SLC14A2: variants seen among roughly 807,000 people sequenced by gnomAD.
SLC14A2 encodes urea transporter 2.
In SLC14A2, 91 loss-of-function variants were observed where a neutral mutation model predicts 104.6. The ratio of observed to expected loss-of-function variants is 0.87; its 90% CI spans 0.73 to 1.04. The LOEUF (loss-of-function observed/expected upper bound fraction) is 1.04. Among genes scored for constraint, SLC14A2 ranks in the 50% least tolerant of loss-of-function variants. The pLI is 0.00. For synonymous variants in SLC14A2, 476 were observed against 466.4 expected, an observed-to-expected ratio of 1.02 and a Z score of -0.27; for missense variants, 1,189 against 1,156.0, an observed-to-expected ratio of 1.03 and a Z score of -0.41.
intron 1 of SLC14A2, among the ~76,000 whole-genome samples, chr18:45,463,313 C>A (rs560831951): frequency 1.3e-5 from 2 of 152,200 alleles, no homozygotes; most frequent in African/African-American, 4.8e-5. Context: ...CGACACCCAG[C>A]AGCTTGACCC....
At chr18:45,665,688 CTTTTTTTTT>C (rs146248418) in intron 11 of SLC14A2, among the ~76,000 whole-genome samples, 3 of 79,294 alleles carry the variant, frequency 3.8e-5, no homozygotes, top group Admixed American at 1.9e-4. Context: ...AACCAAGTTT[CTTTTTTTTT>C]TTTTTTTTTT....
intron 1 of SLC14A2, among the ~76,000 whole-genome samples, chr18:45,304,039 G>T (rs2084993344): frequency 1.3e-5 from 2 of 152,150 alleles, no homozygotes; most frequent in South Asian, 4.1e-4. Flanking sequence ...AATATTCAGG[G>T]TTTATATTAT....
chr18:45,224,820 C>T (rs1204192188), intron 1 of SLC14A2, among the ~76,000 whole-genome samples: 2 of 152,080 alleles, frequency 1.3e-5, no homozygotes, highest in African/African-American at 4.8e-5. Flanking sequence ...GGTTTGTATC[C>T]ATTATAGACA....
At chr18:45,371,027 G>C (rs2085717376) in intron 1 of SLC14A2, among the ~76,000 whole-genome samples, 1 of 152,134 alleles carries the variant, frequency 6.6e-6, no homozygotes, top group African/African-American at 2.4e-5. Context: ...CAGAGAGGCG[G>C]GCTGATGGAA....
At chr18:45,473,848 T>C (rs2087299995) in intron 1 of SLC14A2, among the ~76,000 whole-genome samples, 1 of 152,232 alleles carries the variant, frequency 6.6e-6, no homozygotes, top group African/African-American at 2.4e-5. Flanking sequence ...ACTTCCTCTC[T>C]TCCTATTTGA....
chr18:45,273,776 C>T (rs912035204), intron 1 of SLC14A2, among the ~76,000 whole-genome samples: 2 of 152,086 alleles, frequency 1.3e-5, no homozygotes, highest in African/African-American at 2.4e-5. Flanking sequence ...CTTTGGGTGA[C>T]ACAAAATTCT....
chr18:45,213,865 A>G (rs756464789), intron 1 of SLC14A2, among the ~76,000 whole-genome samples: 3 of 152,142 alleles, frequency 2.0e-5, no homozygotes, highest in Non-Finnish European at 4.4e-5. Context: ...TCTGCCCCAG[A>G]TCTCTGCCAG....
intron 1 of SLC14A2, among the ~76,000 whole-genome samples, chr18:45,449,343 TCC>T (rs1598835085): frequency 6.6e-6 from 1 of 152,268 alleles, no homozygotes; most frequent in East Asian, 1.9e-4. Flanking sequence ...ATCTCACCTA[TCC>T]CACATTCCAC....
chr18:45,469,140 A>G (rs2087198652), intron 1 of SLC14A2, among the ~76,000 whole-genome samples: 1 of 152,198 alleles, frequency 6.6e-6, no homozygotes, highest in Non-Finnish European at 1.5e-5. Context: ...ATTATGGTAC[A>G]GGTCAGGATG....
intron 1 of SLC14A2, among the ~76,000 whole-genome samples, chr18:45,620,725 C>T (rs955919170): frequency 2.0e-5 from 3 of 152,108 alleles, no homozygotes; most frequent in African/African-American, 7.2e-5. Flanking sequence ...CCATTCTCAA[C>T]TCCTACCTGT....
chr18:45,508,763 G>A (rs1473845178), intron 2 of SLC14A2, among the ~76,000 whole-genome samples: 1 of 152,204 alleles, frequency 6.6e-6, no homozygotes, highest in Admixed American at 6.5e-5. Flanking sequence ...CACAGGCCCA[G>A]TCCCTCAACT....
At chr18:45,465,572 T>TCATC (rs994120148) in intron 1 of SLC14A2, among the ~76,000 whole-genome samples, 2 of 152,082 alleles carry the variant, frequency 1.3e-5, no homozygotes, top group African/African-American at 4.8e-5. Context: ...CTCCCTCCCT[T>TCATC]CATCCATCCA....
intron 1 of SLC14A2, among the ~76,000 whole-genome samples, chr18:45,443,704 T>C (rs1317428010): frequency 6.6e-6 from 1 of 152,102 alleles, no homozygotes; most frequent in Non-Finnish European, 1.5e-5. Context: ...TTGGGAAGAA[T>C]GAGAGGCAGA....
At chr18:45,291,419 T>C (rs2084868240) in intron 1 of SLC14A2, among the ~76,000 whole-genome samples, 2 of 152,172 alleles carry the variant, frequency 1.3e-5, no homozygotes, top group African/African-American at 4.8e-5. Flanking sequence ...GCAGATCCAT[T>C]ACCTTTCCCT....
At chr18:45,295,027 C>T (rs2084905753) in intron 1 of SLC14A2, among the ~76,000 whole-genome samples, 1 of 152,182 alleles carries the variant, frequency 6.6e-6, no homozygotes, top group African/African-American at 2.4e-5. Flanking sequence ...TTACATACAT[C>T]GATTACCTCC....
chr18:45,559,791 T>C (rs1359549489), intron 2 of SLC14A2, among the ~76,000 whole-genome samples: 1 of 152,240 alleles, frequency 6.6e-6, no homozygotes, highest in Non-Finnish European at 1.5e-5. Flanking sequence ...CTGCTTTGTT[T>C]TCCCTGTCCT....
chr18:45,593,364 G>A (rs943788892), intron 2 of SLC14A2, among the ~76,000 whole-genome samples: 4 of 151,574 alleles, frequency 2.6e-5, no homozygotes, highest in African/African-American at 9.7e-5. Context: ...GAGCTGGTGC[G>A]AAGGGACGTA....
At chr18:45,585,532 A>G (rs2144371028) in intron 2 of SLC14A2, among the ~76,000 whole-genome samples, 1 of 152,320 alleles carries the variant, frequency 6.6e-6, no homozygotes, top group East Asian at 1.9e-4. Flanking sequence ...ATTAAGAAAA[A>G]TTAGCATTCT....
rs1397133219 is a variant in SLC14A2 at position 45,669,449 on chromosome 18, C to G, written c.2180C>G (p.Pro727Arg). Residue 727 changes from proline (P) to arginine (R), a missense_variant, in exon 16 of 20, where the codon CCT (proline) becomes CGT (arginine). Coordinates refer to ENST00000255226, the MANE Select transcript of SLC14A2 (RefSeq NM_007163.4). ...TTCTTCCCCACAACGCTGCTGCAGC[C>G]TGCATCCGCCATGCCCAACATCACC... ...NLFFPTTLLQ[P>R]ASAMPNITWS... 1.2e-6 allele frequency: 2 copies of G among 1,614,144 alleles called. No individual in the cohort carries two copies. The highest frequency in any genetic ancestry group is 2.2e-5 in the East Asian group (1 of 44,882).
Sources: gnomAD v4.1 joint callset for allele counts (sites outside exome capture counted in the v4.1 genomes callset) on GRCh38, gnomAD v4.1.1 for gene constraint, MANE v1.5 for transcripts, NCBI Gene and HGNC (gene_info 2026-07-23, HGNC 2026-07-21) for gene names.